The following OSBPL1A variants were observed in gnomAD, a reference collection of about 807,000 sequenced individuals.
OSBPL1A encodes oxysterol-binding protein-related protein 1.
Under a neutral mutation model 137.1 loss-of-function variants are expected in OSBPL1A, and 80 were observed. The observed-to-expected ratio is 0.58, with a 90% CI of 0.49 to 0.70. The LOEUF is 0.70. Among genes scored for constraint, OSBPL1A ranks in the 30% least tolerant of loss-of-function variants. The pLI, the probability that OSBPL1A is intolerant of heterozygous loss-of-function variation, is 0.00. For missense variants in OSBPL1A, 970 were observed against 1,129.4 expected, an observed-to-expected ratio of 0.86 and a Z score of 2.02; for synonymous variants, 365 against 389.7, an observed-to-expected ratio of 0.94 and a Z score of 0.75.
intron 17 of OSBPL1A, among the ~76,000 whole-genome samples, chr18:24,216,725 A>G (rs2087713154): frequency 1.3e-5 from 2 of 151,884 alleles, no homozygotes; most frequent in South Asian, 4.2e-4. Context: ...AAACAATTTT[A>G]TTTACCTGTT....
intron 12 of OSBPL1A, among the ~76,000 whole-genome samples, chr18:24,313,162 G>A (rs1017445532): frequency 7.3e-5 from 11 of 151,664 alleles, no homozygotes; most frequent in African/African-American, 2.7e-4. Context: ...AAAGAAAAGG[G>A]CCGGGCGCGG....
At chr18:24,195,116 T>C (rs973815603) in intron 18 of OSBPL1A, among the ~76,000 whole-genome samples, 5 of 151,756 alleles carry the variant, frequency 3.3e-5, no homozygotes, top group Middle Eastern at 3.2e-3. Context: ...CTGGGAAACA[T>C]AGCAACACTC....
At chr18:24,389,650 T>C (rs1266678397) in intron 1 of OSBPL1A, among the ~76,000 whole-genome samples, 6 of 152,172 alleles carry the variant, frequency 3.9e-5, no homozygotes, top group Non-Finnish European at 8.8e-5. Flanking sequence ...GCTTAATATA[T>C]ACAGAATTGG....
At chr18:24,281,176 C>T (rs1472911531) in intron 14 of OSBPL1A, among the ~76,000 whole-genome samples, 1 of 151,944 alleles carries the variant, frequency 6.6e-6, no homozygotes, top group African/African-American at 2.4e-5. Flanking sequence ...ACCTCTGCTT[C>T]CCAGATTCAA....
At chr18:24,253,330 A>G (rs989207623) in intron 15 of OSBPL1A, among the ~76,000 whole-genome samples, 5 of 152,210 alleles carry the variant, frequency 3.3e-5, no homozygotes, top group Non-Finnish European at 5.9e-5. Flanking sequence ...AGCTATAATT[A>G]TATCAGACAA....
At chr18:24,181,320 A>C in intron 18 of OSBPL1A, 41 bp from the exon 19 acceptor site, 1 of 1,594,814 alleles carries the variant, frequency 6.3e-7, no homozygotes. Context: ...TCCCATATAC[A>C]TAACAAACAA....
chr18:24,349,532 G>A (rs1261272006), intron 4 of OSBPL1A, among the ~76,000 whole-genome samples: 1 of 152,122 alleles, frequency 6.6e-6, no homozygotes, highest in African/African-American at 2.4e-5. Flanking sequence ...TCCCTGGTTA[G>A]GTTTTGTTAC....
intron 4 of OSBPL1A, among the ~76,000 whole-genome samples, chr18:24,361,213 A>C (rs2091615947): frequency 6.6e-6 from 1 of 152,068 alleles, no homozygotes; most frequent in Non-Finnish European, 1.5e-5. Flanking sequence ...ATTTTGTAGA[A>C]GTGAGGTCTC....
At chr18:24,320,750 G>A (rs1400958316) in intron 7 of OSBPL1A, among the ~76,000 whole-genome samples, 2 of 151,964 alleles carry the variant, frequency 1.3e-5, no homozygotes, top group Non-Finnish European at 2.9e-5. Flanking sequence ...AATATAGGCC[G>A]GGTGCAGTGA....
intron 15 of OSBPL1A, among the ~76,000 whole-genome samples, chr18:24,276,184 T>C (rs573698120): frequency 5.5e-4 from 84 of 152,262 alleles, no homozygotes; most frequent in Non-Finnish European, 1.1e-3. Context: ...GGAAGCTCGA[T>C]AGTACACAAA....
intron 22 of OSBPL1A, among the ~76,000 whole-genome samples, chr18:24,171,873 A>G (rs948333561): frequency 1.3e-5 from 2 of 151,982 alleles, no homozygotes. Context: ...TTAATCAGAG[A>G]CTTTAATGAA....
chr18:24,248,612 T>C (rs2088977812), intron 15 of OSBPL1A, among the ~76,000 whole-genome samples: 1 of 152,240 alleles, frequency 6.6e-6, no homozygotes, highest in Admixed American at 6.5e-5. Flanking sequence ...TCAATGAAGC[T>C]TGTTCAACAT....
intron 16 of OSBPL1A, among the ~76,000 whole-genome samples, chr18:24,229,961 G>A (rs1184350858): frequency 1.3e-5 from 2 of 152,244 alleles, no homozygotes; most frequent in East Asian, 3.9e-4. Flanking sequence ...TGTTGGCCAG[G>A]CTGGTCTTGA....
rs1474845815 is a variant in OSBPL1A at position 24,226,377 on chromosome 18, G to GT, written c.1445-1180dup. ...TTATGTATTTTGGCTCAAAACAGCA[G>GT]TCACTCAGTCTCCATCAAACTTTAA... On this transcript the variant is annotated intron_variant, in intron 16 of 27. Transcript: ENST00000319481. 1.1e-4 allele frequency among the ~76,000 whole-genome samples: 16 copies of GT among 152,272 alleles called. No individual in the cohort carries two copies. The East Asian group carries it at 2.5e-3, about 24-fold the overall frequency.
At chr18:24,381,961 A>C (rs1906616873) in intron 1 of OSBPL1A, among the ~76,000 whole-genome samples, 1 of 151,874 alleles carries the variant, frequency 6.6e-6, no homozygotes, top group Non-Finnish European at 1.5e-5. Context: ...ACTCCACCTC[A>C]AAAAAAGAAA....
At chr18:24,320,590 C>T (rs1718354829) in intron 7 of OSBPL1A, among the ~76,000 whole-genome samples, 1 of 152,128 alleles carries the variant, frequency 6.6e-6, no homozygotes, top group African/African-American at 2.4e-5. Flanking sequence ...GGCCACATCA[C>T]ACAAGGGGTT....
rs151249827 is a variant in OSBPL1A, at chr18:24,326,875, G to A, written c.625+6067C>T. 5.6e-4 allele frequency among the ~76,000 whole-genome samples: 85 copies of A among 152,178 alleles called. 1 individual carries two copies. Among genetic ancestry groups the A allele is most frequent in the African/African-American group, 1.6e-3 (66 of 41,530 alleles). ...ACAACTAAAAACTAAATCTTTGGAC[G>A]TTTGGGTTAGAGGTGATTATATACT... is the stretch of plus-strand genomic sequence containing the variant. On this transcript the variant is annotated intron_variant, in intron 7 of 27. Transcript: ENST00000319481.
intron 14 of OSBPL1A, among the ~76,000 whole-genome samples, chr18:24,301,510 CCTA>C (rs1453597599): frequency 1.1e-3 from 173 of 152,222 alleles, no homozygotes; most frequent in Non-Finnish European, 6.8e-4. Flanking sequence ...TTTAAATCTC[CCTA>C]CTTTTTGGTA....
intron 15 of OSBPL1A, among the ~76,000 whole-genome samples, chr18:24,255,599 C>T (rs1163715823): frequency 6.6e-6 from 1 of 152,150 alleles, no homozygotes; most frequent in Non-Finnish European, 1.5e-5. Context: ...GTCTTCCCAC[C>T]TTTCCAGACC....
Sources: gnomAD v4.1 joint callset for allele counts (sites outside exome capture counted in the v4.1 genomes callset) on GRCh38, gnomAD v4.1.1 for gene constraint, MANE v1.5 for transcripts, NCBI Gene and HGNC (gene_info 2026-07-23, HGNC 2026-07-21) for gene names.